The following FGF20 variants were observed in gnomAD, a reference collection of about 807,000 sequenced individuals.
FGF20 encodes fibroblast growth factor 20.
FGF20 carries 8 observed loss-of-function variants against 16.7 expected under a neutral mutation model. The ratio of observed to expected loss-of-function variants is 0.48; its 90% CI spans 0.28 to 0.87. The LOEUF (loss-of-function observed/expected upper bound fraction) is 0.87, where lower values mean the gene tolerates loss of function less well. Among genes scored for constraint, FGF20 ranks in the 40% least tolerant of loss-of-function variants. The probability of loss-of-function intolerance (pLI) is 0.10; values close to 1 mark genes in which losing one functional copy is unlikely to be tolerated. For missense variants in FGF20, 397 were observed against 281.4 expected (o/e 1.41, Z -2.94); for synonymous variants, 161 against 118.6 (o/e 1.36, Z -2.32).
At chr8:17,000,288 G>T (rs925575518) in intron 1 of FGF20, among the ~76,000 whole-genome samples, 1 of 152,190 alleles carries the variant, frequency 6.6e-6, no homozygotes, top group Admixed American at 6.5e-5. Flanking sequence ...CTGCAAACAT[G>T]TGGGTTTTAA....
chr8:16,995,600 G>T, intron 2 of FGF20, 55 bp downstream of exon 2: 1 of 707,980 alleles, frequency 1.4e-6, no homozygotes, highest in Non-Finnish European at 2.2e-6. Flanking sequence ...TTACATAATA[G>T]ATAGTCAATA....
At chr8:16,996,877 C>T (rs557931960) in intron 1 of FGF20, among the ~76,000 whole-genome samples, 5 of 152,230 alleles carry the variant, frequency 3.3e-5, no homozygotes, top group Non-Finnish European at 7.3e-5. Context: ...CCCTAATCCA[C>T]TGTTTCTACT....
chr8:16,994,811 A>G (rs1478537749), intron 2 of FGF20, among the ~76,000 whole-genome samples: 1 of 152,198 alleles, frequency 6.6e-6, no homozygotes, highest in Admixed American at 6.5e-5. Context: ...GAGGAGTGGG[A>G]TACTGGCATA....
intron 1 of FGF20, among the ~76,000 whole-genome samples, chr8:17,001,334 G>T (rs2081308617): frequency 6.6e-6 from 1 of 152,132 alleles, no homozygotes; most frequent in Admixed American, 6.5e-5. Flanking sequence ...AAATGAGAAA[G>T]GAAATCGGAG....
chr8:16,997,802 C>A (rs925906310), intron 1 of FGF20, among the ~76,000 whole-genome samples: 1 of 151,742 alleles, frequency 6.6e-6, no homozygotes, highest in Admixed American at 6.6e-5. Flanking sequence ...AGAGTCCTGC[C>A]GGAAACAAAA....
intron 2 of FGF20, among the ~76,000 whole-genome samples, chr8:16,995,076 C>G (rs1300242434): frequency 3.3e-5 from 5 of 152,166 alleles, no homozygotes; most frequent in Non-Finnish European, 2.9e-5. Flanking sequence ...CAGACGTGCA[C>G]TTATCCCCAG....
At position 16,992,794 on chromosome 8, in the gene FGF20, T is replaced by C. The variant is rs1809944432; in HGVS notation, c.*278A>G. 1 of 274,792 alleles carries C rather than the reference T, an allele frequency of 3.6e-6. No homozygotes were observed. The highest frequency in any genetic ancestry group is 2.2e-5 in the African/African-American group (1 of 44,890). 17.0% of individuals were successfully genotyped at this position (274,792 alleles called of 1,614,324 possible). On this transcript the variant is annotated 3_prime_UTR_variant, in exon 3 of 3. Transcript: ENST00000180166. ...AGCAGCAACCATGTGAGGGTTCCCA[T>C]TATCCACAGTTTAACAGATTTTTGG...
rs1324785887 is a variant in FGF20 at position 17,001,791 on chromosome 8, G to C, written c.242C>G (p.Pro81Arg). 1.9e-6 allele frequency: 3 copies of C among 1,570,806 alleles called. No homozygotes were observed. Reference protein sequence around the residue: ...CRTGFHLQILPDGSVQGTRQD... With the variant: ...CRTGFHLQILRDGSVQGTRQD... ...CCGGGTGCCCTGCACGCTGCCGTCG[G>C]GCAGGATCTGCAGGTGGAAGCCGGT... The change falls in exon 1 of 3, where the codon CCC (proline) becomes CGC (arginine). Residue 81 changes from proline (P) to arginine (R), a missense_variant. Pro to Arg is a moderately radical substitution (Grantham distance 103, BLOSUM62 -2). Coordinates refer to ENST00000180166, the MANE Select transcript of FGF20 (RefSeq NM_019851.3).
chr8:16,994,031 C>T (rs1161952326), intron 2 of FGF20, among the ~76,000 whole-genome samples: 3 of 152,218 alleles, frequency 2.0e-5, no homozygotes, highest in African/African-American at 4.8e-5. Flanking sequence ...AGTCTATGGC[C>T]CAGGGGTTGG....
chr8:16,997,334 C>G (rs531935497), intron 1 of FGF20, among the ~76,000 whole-genome samples: 1 of 152,288 alleles, frequency 6.6e-6, no homozygotes, highest in Admixed American at 6.5e-5. Context: ...CCCTTCACCC[C>G]ATCCTGAGCT....
At chr8:16,998,707 G>C (rs982306734) in intron 1 of FGF20, among the ~76,000 whole-genome samples, 1 of 151,866 alleles carries the variant, frequency 6.6e-6, no homozygotes, top group African/African-American at 2.4e-5. Flanking sequence ...ATGGAGAATA[G>C]GGGAGAATAA....
At position 16,993,358 on chromosome 8, in the gene FGF20, C is replaced by A. The variant is rs559931616; in HGVS notation, c.391-41G>T. 10 of 1,524,942 alleles carry A rather than the reference C, an allele frequency of 6.6e-6. No individual in the cohort carries two copies. The East Asian group carries it at 2.0e-4, about 31-fold the overall frequency. The allele number at this position is 1,524,942 out of a possible 1,614,324, so 94.5% of individuals were successfully genotyped here. A position where few individuals can be genotyped will look rare whatever the true frequency, so the allele number is the denominator to read the frequency against. ...TAACTATTATTTTTTAAAAAAATAC[C>A]TTTGAGATAATTTCCTTACAAGTTT... On this transcript the variant is annotated intron_variant, in intron 2 of 2. Coordinates refer to ENST00000180166, the MANE Select transcript of FGF20 (RefSeq NM_019851.3).
At chr8:17,000,788 G>C (rs1420106062) in intron 1 of FGF20, among the ~76,000 whole-genome samples, 1 of 151,818 alleles carries the variant, frequency 6.6e-6, no homozygotes, top group Non-Finnish European at 1.5e-5. Flanking sequence ...AGACCCTCCC[G>C]ATCTAGTATC....
chr8:17,002,229 T>C lies in FGF20; in HGVS notation c.-197A>G, dbSNP rs556142885. 201 of 515,000 alleles carry C rather than the reference T, an allele frequency of 3.9e-4. 2 individuals are homozygous for C. In the South Asian group the frequency reaches 7.1e-3, roughly 18 times the overall value. The allele number at this position is 515,000 out of a possible 1,614,324, so 31.9% of individuals were successfully genotyped here. On this transcript the variant is annotated 5_prime_UTR_variant, in exon 1 of 3. Coordinates refer to ENST00000180166, the MANE Select transcript of FGF20 (RefSeq NM_019851.3). ...ACTGTCTTGGAGCGATCTTCTCTCC[T>C]TGGGTAGGTGGGAGCCGGCTGCTGG...
chr8:16,995,899 A>G (rs967097468), intron 1 of FGF20, 141 bp from the exon 2 acceptor site: 1 of 513,326 alleles, frequency 1.9e-6, no homozygotes, highest in Non-Finnish European at 3.5e-6. Flanking sequence ...TCCTTTGTAC[A>G]CTGGAAACAG....
At position 16,992,818 on chromosome 8, in the gene FGF20, G is replaced by T; in HGVS notation, c.*254C>A. 3.1e-6 allele frequency: 1 copy of T among 324,790 alleles called. No homozygotes were observed. Among genetic ancestry groups the T allele is most frequent in the Non-Finnish European group, 5.5e-6 (1 of 180,362 alleles). 20.1% of individuals were successfully genotyped at this position (324,790 alleles called of 1,614,324 possible). On this transcript the variant is annotated 3_prime_UTR_variant, in exon 3 of 3. Transcript: ENST00000180166. Reference sequence around the variant, plus strand: ...ATTATCCACAGTTTAACAGATTTTTGGCTTCAGTCTACTGGTAAGGACTAA... The same window carrying T: ...ATTATCCACAGTTTAACAGATTTTTTGCTTCAGTCTACTGGTAAGGACTAA...
intron 2 of FGF20, among the ~76,000 whole-genome samples, chr8:16,994,567 G>A (rs956562024): frequency 3.9e-5 from 6 of 151,966 alleles, no homozygotes; most frequent in Admixed American, 6.6e-5. Flanking sequence ...GAGCTGACAC[G>A]AAGCCTAGAA....
Position 16,992,986 on chromosome 8 carries a change from T to C in FGF20, c.*86A>G, listed in dbSNP as rs534476986. The C allele has an allele frequency of 6.9e-6, 10 of 1,443,852 alleles. No homozygotes were observed. Among genetic ancestry groups the C allele is most frequent in the Admixed American group, 6.7e-5 (3 of 44,966 alleles). 89.4% of individuals were successfully genotyped at this position (1,443,852 alleles called of 1,614,324 possible). ...AAAATAGACTTTAATATTTTGAACG[T>C]CTCCTTGGGTCATTATTTTATGATG... On this transcript the variant is annotated 3_prime_UTR_variant, in exon 3 of 3. Transcript: ENST00000180166.
At chr8:16,998,232 A>G (rs1401825838) in intron 1 of FGF20, among the ~76,000 whole-genome samples, 1 of 152,196 alleles carries the variant, frequency 6.6e-6, no homozygotes, top group Admixed American at 6.5e-5. Flanking sequence ...ATGTTCTTAG[A>G]ATAATTATAT....
Sources: gnomAD v4.1 joint callset for allele counts (sites outside exome capture counted in the v4.1 genomes callset) on GRCh38, gnomAD v4.1.1 for gene constraint, MANE v1.5 for transcripts, NCBI Gene and HGNC (gene_info 2026-07-23, HGNC 2026-07-21) for gene names.